The following RBM27 variants were observed in gnomAD, a reference collection of about 807,000 sequenced individuals.
The protein encoded by RBM27 is RNA binding motif protein 27.
In RBM27, 22 loss-of-function variants were observed where a neutral mutation model predicts 135.3. That is an observed-to-expected ratio of 0.16 (90% confidence interval 0.12 to 0.23). RBM27 has a LOEUF of 0.23. Ranked by LOEUF, RBM27 falls within the 10% of genes least tolerant of loss-of-function variation. The pLI is 1.00. For synonymous variants in RBM27, 481 were observed against 442.4 expected, an observed-to-expected ratio of 1.09 and a Z score of -1.10; for missense variants, 1,009 against 1,281.0, an observed-to-expected ratio of 0.79 and a Z score of 3.24.
At position 146,230,683 on chromosome 5, in the gene RBM27, AG is replaced by A; in HGVS notation, c.617del (p.Ser206MetfsTer37). On this transcript the variant is annotated frameshift_variant, in exon 6 of 21. Coordinates refer to ENST00000265271, the MANE Select transcript of RBM27 (RefSeq NM_018989.2). LOFTEE classifies it high-confidence loss of function. ...VEHRERSKFK[S>X]ERNDLESSYV... ...GCACAGGGAAAGATCGAAGTTTAAG[AG>A]TGAAAGGAATGACCTGGAGAGTTCC... The A allele has an allele frequency of 6.2e-7, 1 of 1,614,130 alleles. No individual in the cohort carries two copies. Among genetic ancestry groups the A allele is most frequent in the Non-Finnish European group, 8.5e-7 (1 of 1,179,998 alleles).
At chr5:146,235,260 A>C (rs575903836) in intron 7 of RBM27, among the ~76,000 whole-genome samples, 24 of 152,200 alleles carry the variant, frequency 1.6e-4, no homozygotes, top group Admixed American at 5.9e-4. Context: ...TATTCTGTAG[A>C]ATATACATTT....
In RBM27 at chr5:146,261,624, T is replaced by C. The variant is rs1291701952; in HGVS notation, c.2008T>C (p.Leu670=). The change falls in exon 13 of 21, where the codon TTG becomes CTG. Residue 670 remains leucine, a synonymous_variant. Transcript: ENST00000265271. ...AVLNNRFIRV[L]WHRENNEQPT... is the part of the protein sequence containing the mutation. ...TCTAAACAACCGATTCATTCGAGTCTTGTGGCATAGGGAAAATAATGAGCA... is the reference window on the plus strand; with the variant it reads ...TCTAAACAACCGATTCATTCGAGTCCTGTGGCATAGGGAAAATAATGAGCA... 5 of 1,614,222 alleles carry C rather than the reference T, an allele frequency of 3.1e-6. No individual in the cohort carries two copies. The highest frequency in any genetic ancestry group is 4.2e-6 in the Non-Finnish European group (5 of 1,180,042).
At chr5:146,212,216 T>C (rs1011496077) in intron 1 of RBM27, among the ~76,000 whole-genome samples, 2 of 151,816 alleles carry the variant, frequency 1.3e-5, no homozygotes, top group Non-Finnish European at 2.9e-5. Context: ...CCACCACGCC[T>C]GGCTAATTTT....
At chr5:146,246,161 A>C (rs1757615584) in intron 8 of RBM27, among the ~76,000 whole-genome samples, 1 of 152,220 alleles carries the variant, frequency 6.6e-6, no homozygotes, top group South Asian at 2.1e-4. Flanking sequence ...TCAAGAAGAC[A>C]CATAAATATG....
intron 1 of RBM27, among the ~76,000 whole-genome samples, chr5:146,213,017 A>G (rs1221913818): frequency 6.6e-6 from 1 of 152,202 alleles, no homozygotes; most frequent in Non-Finnish European, 1.5e-5. Context: ...AGCTTTAGGT[A>G]CTAGTAATAT....
intron 10 of RBM27, among the ~76,000 whole-genome samples, chr5:146,255,778 T>C (rs1758074234): frequency 2.0e-5 from 3 of 152,168 alleles, no homozygotes; most frequent in Non-Finnish European, 4.4e-5. Context: ...TGGACTGCAC[T>C]GACACAATAG....
intron 1 of RBM27, among the ~76,000 whole-genome samples, chr5:146,204,081 C>T (rs931231095): frequency 3.9e-5 from 6 of 151,976 alleles, no homozygotes; most frequent in African/African-American, 1.5e-4. Flanking sequence ...ACGCAAATAT[C>T]GGGGTGCTGG....
In RBM27 at chr5:146,229,795, G is replaced by C. The variant is rs534259508; in HGVS notation, c.474G>C (p.Glu158Asp). 3 of 1,613,916 alleles carry C rather than the reference G, an allele frequency of 1.9e-6. No homozygotes were observed. In the East Asian group the frequency reaches 6.7e-5, roughly 36 times the overall value. ...RYYERNELYR[E>D]KYDWRRGRSK... ...ATGAGCGGAATGAATTGTACCGTGA[G>C]AAGTATGACTGGAGAAGAGGCAGGA... The change falls in exon 5 of 21, where the codon GAG (glutamate) becomes GAC (aspartate). Residue 158 changes from glutamate (E) to aspartate (D), a missense_variant. Physicochemically the swap from Glu to Asp is conservative, Grantham distance 45. Transcript: ENST00000265271.
At position 146,230,646 on chromosome 5, in the gene RBM27, T is replaced by C; in HGVS notation, c.590-11T>C. ...TCTTTGTTTTCTGTTTTTAATTTTG[T>C]CTCCAAGTAGAGCACAGGGAAAGAT... On this transcript the variant is annotated splice_polypyrimidine_tract_variant and intron_variant, in intron 5 of 20. Coordinates refer to ENST00000265271, the MANE Select transcript of RBM27 (RefSeq NM_018989.2). 6.2e-7 allele frequency: 1 copy of C among 1,607,882 alleles called. No homozygotes were observed.
chr5:146,285,818 A>G (rs1759558050), intron 20 of RBM27, 129 bp from the exon 21 acceptor site: 1 of 559,046 alleles, frequency 1.8e-6, no homozygotes, highest in Non-Finnish European at 3.1e-6. Context: ...CCTGAAAGAT[A>G]CTCTTGCATG....
intron 1 of RBM27, among the ~76,000 whole-genome samples, chr5:146,210,251 A>C (rs1412598407): frequency 6.6e-6 from 1 of 152,224 alleles, no homozygotes; most frequent in Non-Finnish European, 1.5e-5. Context: ...ATTGACAATT[A>C]GAAAAGTAAG....
At chr5:146,211,680 C>T (rs533264327) in intron 1 of RBM27, among the ~76,000 whole-genome samples, 45 of 151,612 alleles carry the variant, frequency 3.0e-4, no homozygotes, top group African/African-American at 1.1e-3. Flanking sequence ...AAGGTTGCTC[C>T]ATGTTGGTCA....
intron 1 of RBM27, among the ~76,000 whole-genome samples, chr5:146,212,453 A>G (rs920162138): frequency 2.0e-5 from 3 of 151,990 alleles, no homozygotes; most frequent in East Asian, 1.9e-4. Context: ...GGATCAGACA[A>G]TCCTCCCACT....
chr5:146,254,093 A>G (rs576932265), intron 9 of RBM27, among the ~76,000 whole-genome samples: 2 of 152,324 alleles, frequency 1.3e-5, no homozygotes, highest in Admixed American at 6.5e-5. Flanking sequence ...AATTGGAGAT[A>G]TGATGGATAA....
chr5:146,261,789 C>T lies in RBM27; in HGVS notation c.2173C>T (p.His725Tyr), dbSNP rs1446121298. 1 of 1,614,168 alleles carries T rather than the reference C, an allele frequency of 6.2e-7. No individual in the cohort carries two copies. The highest frequency in any genetic ancestry group is 1.1e-5 in the South Asian group (1 of 91,080). The stretch of plus-strand genomic sequence containing the variant: ...GGCCCAGTCTGCTCCTTCAACAGTG[C>T]ACGGAGGTATCCAGAAGGTAATCTG... Reference protein sequence around the residue: ...LVAQSAPSTVHGGIQKMMSKP... With the variant: ...LVAQSAPSTVYGGIQKMMSKP... The change falls in exon 13 of 21, where the codon CAC becomes TAC. Residue 725 changes from histidine to tyrosine, a missense_variant. This residue lies in a region of RBM27 where 355 missense variants were observed against 427.3 expected (regional missense o/e 0.83). Coordinates refer to ENST00000265271, the MANE Select transcript of RBM27 (RefSeq NM_018989.2).
At chr5:146,206,611 G>A (rs990330564) in intron 1 of RBM27, among the ~76,000 whole-genome samples, 4 of 150,928 alleles carry the variant, frequency 2.7e-5, no homozygotes, top group East Asian at 1.9e-4. Context: ...ATGGAGTTTC[G>A]CTCTTGTTGT....
chr5:146,225,371 C>T (rs947228767), intron 3 of RBM27, among the ~76,000 whole-genome samples: 17 of 152,138 alleles, frequency 1.1e-4, no homozygotes, highest in African/African-American at 4.1e-4. Flanking sequence ...AAATGCTAGG[C>T]TGATTGACCT....
At chr5:146,259,520 A>AG (rs1224818205) in intron 11 of RBM27, among the ~76,000 whole-genome samples, 1 of 151,738 alleles carries the variant, frequency 6.6e-6, no homozygotes, top group Non-Finnish European at 1.5e-5. Flanking sequence ...AAAAAAAAAA[A>AG]AAAAAAAGGT....
chr5:146,224,281 A>G (rs1394181398), intron 3 of RBM27, among the ~76,000 whole-genome samples: 1 of 152,210 alleles, frequency 6.6e-6, no homozygotes, highest in Non-Finnish European at 1.5e-5. Context: ...AGTGCCTGGC[A>G]CATAAATGTT....
Sources: gnomAD v4.1 joint callset for allele counts (sites outside exome capture counted in the v4.1 genomes callset) on GRCh38, gnomAD v4.1.1 for gene constraint, gnomAD v4.1.1 regional missense constraint, MANE v1.5 for transcripts, NCBI Gene and HGNC (gene_info 2026-07-23, HGNC 2026-07-21) for gene names.